The following PCDH11X variants were observed in gnomAD, a reference collection of about 807,000 sequenced individuals.
PCDH11X encodes the protein protocadherin-11 X-linked.
Under a neutral mutation model 53.3 loss-of-function variants are expected in PCDH11X, and 18 were observed. The observed-to-expected ratio is 0.34, with a 90% CI of 0.23 to 0.50. PCDH11X has a LOEUF of 0.50. Ranked by LOEUF, PCDH11X falls within the 20% of genes least tolerant of loss-of-function variation. The pLI is 0.98. For missense variants in PCDH11X, 570 were observed against 1,032.4 expected, an observed-to-expected ratio of 0.55 and a Z score of 6.14; for synonymous variants, 279 against 393.3, an observed-to-expected ratio of 0.71 and a Z score of 3.44.
At chrX:91,959,112 G>A (rs1249234427) in intron 6 of PCDH11X, among the ~76,000 whole-genome samples, 1 of 106,990 alleles carries the variant, frequency 9.3e-6, no homozygotes, top group African/African-American at 3.5e-5. Context: ...TTAATTTTAT[G>A]TAAAAATGTA....
At chrX:91,992,189 G>T in intron 6 of PCDH11X, among the ~76,000 whole-genome samples, 1 of 99,535 alleles carries the variant, frequency 1.0e-5, no homozygotes, top group African/African-American at 3.7e-5. Context: ...GTACAATTAG[G>T]TTTCTTAAAC....
rs1305544763 is a variant in PCDH11X, at chrX:91,847,981, T to C, written c.540+11937T>C. ...AAAATGTAGGAGGTATTAAATGTCTTGCCAAGTTACTAAACAAGTAAAGTT... is the reference window on the plus strand; with the variant it reads ...AAAATGTAGGAGGTATTAAATGTCTCGCCAAGTTACTAAACAAGTAAAGTT... On this transcript the variant is annotated intron_variant, in intron 5 of 10. Coordinates refer to ENST00000682573, the MANE Select transcript of PCDH11X (RefSeq NM_032968.5). Among the ~76,000 whole-genome samples, 20 of 111,761 alleles carry C rather than the reference T, an allele frequency of 1.8e-4. No individual in the cohort carries two copies. In the Admixed American group the frequency reaches 1.9e-3, roughly 11 times the overall value.
At chrX:91,832,640 TA>T (rs1377051065) in intron 4 of PCDH11X, among the ~76,000 whole-genome samples, 53 of 108,521 alleles carry the variant, frequency 4.9e-4, no homozygotes, top group African/African-American at 1.7e-3. Flanking sequence ...ACTTAAAGTA[TA>T]ATTAAAAAAA....
chrX:91,829,159 C>T (rs1346942221), intron 4 of PCDH11X, among the ~76,000 whole-genome samples: 1 of 110,360 alleles, frequency 9.1e-6, no homozygotes, highest in Non-Finnish European at 1.9e-5. Flanking sequence ...GGTCTTTCTA[C>T]ATAGATAATT....
intron 5 of PCDH11X, among the ~76,000 whole-genome samples, chrX:91,860,905 G>T (rs1266190394): frequency 8.9e-6 from 1 of 111,954 alleles, no homozygotes; most frequent in Non-Finnish European, 1.9e-5. Flanking sequence ...GTTCATTAAA[G>T]ATATTGGCCT....
Position 92,527,003 on chromosome X carries a change from C to T in PCDH11X, c.3367+58681C>T, listed in dbSNP as rs2074465394. 8.1e-5 allele frequency among the ~76,000 whole-genome samples: 9 copies of T among 111,441 alleles called. No homozygotes were observed. In the South Asian group the frequency reaches 3.3e-3, roughly 41 times the overall value. On this transcript the variant is annotated intron_variant, in intron 10 of 10. Coordinates refer to ENST00000682573, the MANE Select transcript of PCDH11X (RefSeq NM_032968.5). Reference sequence around the variant, plus strand: ...CAACAACACCTATGGAACTGAAGATCATTATGTTAAGCAGAAAGACAAACA... The same window carrying T: ...CAACAACACCTATGGAACTGAAGATTATTATGTTAAGCAGAAAGACAAACA...
At position 92,578,057 on chromosome X, in the gene PCDH11X, C is replaced by T. The variant is rs746315346; in HGVS notation, c.3368-40207C>T. On this transcript the variant is annotated intron_variant, in intron 10 of 10. Transcript: ENST00000682573. ...AGATATTTATCAGGTCCACTTGATC[C>T]GGAGCTGAGATCAAGCCCTGAAAAT... is the stretch of plus-strand genomic sequence containing the variant. 5.1e-3 allele frequency among the ~76,000 whole-genome samples: 530 copies of T among 103,021 alleles called. 6 individuals carry two copies. The highest frequency in any genetic ancestry group is 0.018 in the African/African-American group (505 of 27,359). The allele number at this position is 103,021 out of a possible 115,157, so 89.5% of individuals were successfully genotyped here.
intron 8 of PCDH11X, among the ~76,000 whole-genome samples, chrX:92,293,486 T>C (rs1215104574): frequency 1.8e-5 from 2 of 109,127 alleles, no homozygotes; most frequent in Non-Finnish European, 3.8e-5. Flanking sequence ...TAGCCGGGCG[T>C]GGTAGCGGGC....
intron 6 of PCDH11X, among the ~76,000 whole-genome samples, chrX:91,970,075 C>T (rs997558981): frequency 9.0e-6 from 1 of 111,100 alleles, no homozygotes; most frequent in Non-Finnish European, 1.9e-5. Flanking sequence ...ATAAAGGCAG[C>T]GTATCCAGAG....
intron 6 of PCDH11X, among the ~76,000 whole-genome samples, chrX:92,121,206 A>T (rs1235148015): frequency 2.5e-4 from 27 of 107,765 alleles, no homozygotes; most frequent in African/African-American, 9.1e-4. Flanking sequence ...CCCAGGCTGG[A>T]GTGCAGTGGC....
At chrX:92,027,542 A>G (rs1222767977) in intron 6 of PCDH11X, among the ~76,000 whole-genome samples, 1 of 111,355 alleles carries the variant, frequency 9.0e-6, no homozygotes, top group Non-Finnish European at 1.9e-5. Context: ...CATCTTATAT[A>G]TAGCGTAGCA....
At chrX:92,491,147 A>T (rs761447333) in intron 10 of PCDH11X, among the ~76,000 whole-genome samples, 1 of 110,981 alleles carries the variant, frequency 9.0e-6, no homozygotes. Flanking sequence ...CATTTAAAAA[A>T]TATGGCTTAA....
At chrX:92,234,211 C>G (rs1411553042) in intron 7 of PCDH11X, among the ~76,000 whole-genome samples, 2 of 112,036 alleles carry the variant, frequency 1.8e-5, no homozygotes, top group Non-Finnish European at 3.8e-5. Context: ...CTTTGCTTGT[C>G]TATAGCATGT....
chrX:92,542,683 T>C (rs1360020619), intron 10 of PCDH11X, among the ~76,000 whole-genome samples: 4 of 111,479 alleles, frequency 3.6e-5, no homozygotes, highest in Admixed American at 9.6e-5. Flanking sequence ...TTATTTTCTG[T>C]GAATGTAGGC....
intron 9 of PCDH11X, among the ~76,000 whole-genome samples, chrX:92,452,500 T>TATATATATA (rs1491346022): frequency 3.5e-5 from 1 of 28,383 alleles, no homozygotes; most frequent in Non-Finnish European, 5.5e-5. Context: ...TATATATATG[T>TATATATATA]TTTTTTTTTT....
chrX:92,469,775 A>G (rs2073224651), intron 10 of PCDH11X, among the ~76,000 whole-genome samples: 1 of 110,889 alleles, frequency 9.0e-6, no homozygotes, highest in African/African-American at 3.3e-5. Context: ...GTCTGTTTTT[A>G]TGCCAGTACA....
chrX:92,335,854 A>G (rs1195215598), intron 8 of PCDH11X, among the ~76,000 whole-genome samples: 1 of 112,122 alleles, frequency 8.9e-6, no homozygotes. Flanking sequence ...TGTTTCTAAA[A>G]TATTTACAAC....
intron 10 of PCDH11X, among the ~76,000 whole-genome samples, chrX:92,613,647 G>A (rs1927652731): frequency 9.4e-6 from 1 of 106,215 alleles, no homozygotes; most frequent in Admixed American, 1.0e-4. Flanking sequence ...ATATCTCTCA[G>A]ATGTTCTCTG....
At chrX:91,939,582 G>GA (rs1243517796) in intron 6 of PCDH11X, among the ~76,000 whole-genome samples, 3 of 105,780 alleles carry the variant, frequency 2.8e-5, no homozygotes, top group African/African-American at 1.0e-4. Context: ...CAATGATAAA[G>GA]AAAAAAAAAT....
Sources: allele counts gnomAD v4.1 joint callset (sites outside exome capture counted in the v4.1 genomes callset), GRCh38; gene constraint gnomAD v4.1.1; transcripts MANE v1.5; gene names NCBI Gene and HGNC (gene_info 2026-07-23, HGNC 2026-07-21).